LACTBL1: variants seen among roughly 807,000 people sequenced by gnomAD.
LACTBL1 encodes beta-lactamase-like protein 1.
Under a neutral mutation model 39.6 loss-of-function variants are expected in LACTBL1, and 29 were observed. The ratio of observed to expected loss-of-function variants is 0.73; its 90% CI spans 0.55 to 1.00. LACTBL1 has a LOEUF of 1.00. LACTBL1 is among the 50% of genes least tolerant of loss of function. The pLI is 0.00. For synonymous variants in LACTBL1, 361 were observed against 360.7 expected (o/e 1.00, Z -0.01); for missense variants, 711 against 748.5 (o/e 0.95, Z 0.59).
Position 22,957,509 on chromosome 1 carries a change from C to T in LACTBL1, c.553+1176G>A, listed in dbSNP as rs1288298466. Among the ~76,000 whole-genome samples, 5 of 152,270 alleles carry T rather than the reference C, an allele frequency of 3.3e-5. No homozygotes were observed. The South Asian group carries it at 8.3e-4, about 25-fold the overall frequency. ...GTAAGAAGGTCTGTTTTACCACAAC[C>T]TCAGCAACTCAGGGCGTCATCATGT... On this transcript the variant is annotated intron_variant, in intron 4 of 5. Transcript: ENST00000426928.
At chr1:22,953,680 G>A in exon 6 of LACTBL1, 1 of 1,294,072 alleles carries the variant, frequency 7.7e-7, no homozygotes, top group Non-Finnish European at 9.8e-7. Flanking sequence ...GCCCGGGCAG[G>A]CCAGCAGCGG....
chr1:22,953,835 C>T (rs1174539690), exon 6 of LACTBL1: 3 of 1,547,984 alleles, frequency 1.9e-6, no homozygotes, highest in East Asian at 4.9e-5. Flanking sequence ...AGAGTGGCGC[C>T]GGCCGCCCGC....
the LACTBL1 span, among the ~76,000 whole-genome samples, chr1:22,970,547 T>C: frequency 2.9e-3 from 443 of 152,202 alleles, 5 homozygotes; most frequent in African/African-American, 9.8e-3. Context: ...TATACATTTG[T>C]TGAAAGTCAT....
chr1:22,958,610 G>C, intron 4 of LACTBL1, 75 bp downstream of exon 6: 1 of 1,278,848 alleles, frequency 7.8e-7, no homozygotes, highest in Non-Finnish European at 1.1e-6. Flanking sequence ...GCCCAGCCTG[G>C]CTGGATGAGA....
intron 3 of LACTBL1, 53 bp downstream of exon 5, chr1:22,959,889 T>C (rs1356583865): frequency 1.3e-6 from 2 of 1,543,020 alleles, no homozygotes; most frequent in African/African-American, 2.7e-5. Context: ...TAGGTCTCCC[T>C]TGCCCTCCCA....
chr1:22,958,329 C>G (rs978572578), intron 4 of LACTBL1, among the ~76,000 whole-genome samples: 1 of 152,182 alleles, frequency 6.6e-6, no homozygotes, highest in African/African-American at 2.4e-5. Context: ...GAGTGATCCT[C>G]CCACCTCGGC....
Position 22,955,433 on chromosome 1 carries a change from A to AG in LACTBL1, c.554-8dup. The AG allele has an allele frequency of 6.5e-7, 1 of 1,545,460 alleles. No homozygotes were observed. The highest frequency in any genetic ancestry group is 8.7e-7 in the Non-Finnish European group (1 of 1,144,302). ...CGCAGCCTTCTGGGCAGCCCTAGGG[A>AG]GGAGCAGTGGTCAGACTTACCGGGC... On this transcript the variant is annotated splice_polypyrimidine_tract_variant and splice_region_variant and intron_variant, in intron 4 of 5. Coordinates refer to ENST00000426928, the Ensembl canonical transcript of LACTBL1.
At chr1:22,968,959 G>A (rs1640911600), upstream of LACTBL1, among the ~76,000 whole-genome samples, 1 of 152,082 alleles carries the variant, frequency 6.6e-6, no homozygotes, top group Non-Finnish European at 1.5e-5. Flanking sequence ...TGCATTTTTT[G>A]TAGAGACAGG....
At chr1:22,969,391 G>A (rs951462156), upstream of LACTBL1, among the ~76,000 whole-genome samples, 6 of 152,104 alleles carry the variant, frequency 3.9e-5, no homozygotes, top group African/African-American at 1.2e-4. Context: ...TCAACAGTCT[G>A]TACATACTGA....
chr1:22,959,678 A>T (rs1640799340), intron 3 of LACTBL1, among the ~76,000 whole-genome samples: 1 of 152,196 alleles, frequency 6.6e-6, no homozygotes, highest in Admixed American at 6.5e-5. Flanking sequence ...AGCCTTTTCT[A>T]GTTTGGGAGG....
chr1:22,970,964 G>C, the LACTBL1 span, among the ~76,000 whole-genome samples: 1 of 152,146 alleles, frequency 6.6e-6, no homozygotes, highest in East Asian at 1.9e-4. Flanking sequence ...AGGAGTGAAT[G>C]GAAGGCTCTC....
upstream of LACTBL1, among the ~76,000 whole-genome samples, chr1:22,966,352 G>A (rs769627568): frequency 3.3e-5 from 5 of 152,126 alleles, no homozygotes; most frequent in African/African-American, 7.2e-5. Context: ...CAAATACATT[G>A]CATTAACTCC....
At chr1:22,960,073 C>T in exon 3 of LACTBL1, 1 of 1,550,676 alleles carries the variant, frequency 6.4e-7, no homozygotes, top group Non-Finnish European at 8.7e-7. Flanking sequence ...CTGGGGCAGA[C>T]ATTGCCTGGC....
At chr1:22,953,527 A>G in exon 6 of LACTBL1, 1 of 1,237,320 alleles carries the variant, frequency 8.1e-7, no homozygotes, top group South Asian at 4.0e-5. Flanking sequence ...CCCTGCCAGC[A>G]GCAGCACCAG....
exon 6 of LACTBL1, chr1:22,953,545 C>T (rs1416844054): frequency 8.0e-7 from 1 of 1,247,950 alleles, no homozygotes; most frequent in Non-Finnish European, 1.0e-6. Flanking sequence ...CAGGCCCAGA[C>T]GCAGCGGGGG....
intron 1 of LACTBL1, among the ~76,000 whole-genome samples, chr1:22,964,368 C>A (rs912862091): frequency 2.6e-5 from 4 of 152,176 alleles, no homozygotes; most frequent in Non-Finnish European, 2.9e-5. Context: ...TTACTCCCTG[C>A]GAACACTGCC....
intron 3 of LACTBL1, among the ~76,000 whole-genome samples, chr1:22,959,369 C>T (rs1270472863): frequency 2.0e-5 from 3 of 152,198 alleles, no homozygotes; most frequent in Non-Finnish European, 4.4e-5. Flanking sequence ...CATGTTAGCA[C>T]ATATAACTGT....
intron 3 of LACTBL1, 61 bp downstream of exon 5, chr1:22,959,881 G>C (rs1323296859): frequency 6.5e-7 from 1 of 1,528,586 alleles, no homozygotes; most frequent in Non-Finnish European, 8.9e-7. Context: ...TTACCTCCTA[G>C]GTCTCCCTTG....
chr1:22,970,385 A>G, the LACTBL1 span, among the ~76,000 whole-genome samples: 1 of 152,244 alleles, frequency 6.6e-6, no homozygotes, highest in Non-Finnish European at 1.5e-5. Flanking sequence ...CAACTCATAG[A>G]ACATTCTGGA....
Sources: allele counts gnomAD v4.1 joint callset (sites outside exome capture counted in the v4.1 genomes callset), GRCh38; gene constraint gnomAD v4.1.1; transcripts MANE v1.5; gene names NCBI Gene and HGNC (gene_info 2026-07-23, HGNC 2026-07-21).